Variants in SLC41A2 observed in about 807,000 individuals in gnomAD.
The protein encoded by SLC41A2 is SLC41A1-like 1.
In SLC41A2, 32 loss-of-function variants were observed where a neutral mutation model predicts 58.3. The ratio of observed to expected loss-of-function variants is 0.55; its 90% CI spans 0.41 to 0.74. The LOEUF (loss-of-function observed/expected upper bound fraction) is 0.74. Among genes scored for constraint, SLC41A2 ranks in the 30% least tolerant of loss-of-function variants. The probability of loss-of-function intolerance (pLI) is 0.00; values close to 1 mark genes in which losing one functional copy is unlikely to be tolerated. For missense variants in SLC41A2, 514 were observed against 680.6 expected (o/e 0.76, Z 2.72); for synonymous variants, 190 against 235.0 (o/e 0.81, Z 1.75).
intron 6 of SLC41A2, among the ~76,000 whole-genome samples, chr12:104,881,735 C>A (rs1282959838): frequency 1.3e-5 from 2 of 152,110 alleles, no homozygotes; most frequent in African/African-American, 4.8e-5. Flanking sequence ...TTACTTCCAA[C>A]TATGTGGTCA....
At chr12:104,827,142 A>C (rs2136264645) in intron 10 of SLC41A2, among the ~76,000 whole-genome samples, 1 of 152,350 alleles carries the variant, frequency 6.6e-6, no homozygotes, top group African/African-American at 2.4e-5. Flanking sequence ...GGAGCGGCTA[A>C]GAGAGGCCTT....
chr12:104,917,141 A>G (rs1278765393), intron 2 of SLC41A2, among the ~76,000 whole-genome samples: 1 of 152,082 alleles, frequency 6.6e-6, no homozygotes, highest in Non-Finnish European at 1.5e-5. Flanking sequence ...AAAAACAAAC[A>G]ACCCCATCAA....
chr12:104,837,061 G>A (rs17829512), intron 10 of SLC41A2, among the ~76,000 whole-genome samples: 6,150 of 152,212 alleles, frequency 0.04, 168 homozygotes, highest in Middle Eastern at 0.065. Context: ...AATGGTTTAT[G>A]CTTGCCACCT....
At chr12:104,932,280 C>T (rs1369304820) in intron 1 of SLC41A2, among the ~76,000 whole-genome samples, 1 of 151,926 alleles carries the variant, frequency 6.6e-6, no homozygotes, top group Admixed American at 6.6e-5. Context: ...CAGTCCTAAG[C>T]AAAAAGAACA....
intron 10 of SLC41A2, among the ~76,000 whole-genome samples, chr12:104,829,794 AG>A (rs2041978931): frequency 6.7e-6 from 1 of 149,944 alleles, no homozygotes; most frequent in Non-Finnish European, 1.5e-5. Context: ...GAATAATTTT[AG>A]TTTTCAACAT....
At chr12:104,822,205 A>G (rs1405107318) in intron 10 of SLC41A2, among the ~76,000 whole-genome samples, 1 of 152,228 alleles carries the variant, frequency 6.6e-6, no homozygotes, top group Non-Finnish European at 1.5e-5. Flanking sequence ...TTTCTACTAT[A>G]TGCTAAGTAT....
At chr12:104,915,179 G>A (rs1439029264) in intron 2 of SLC41A2, among the ~76,000 whole-genome samples, 1 of 152,054 alleles carries the variant, frequency 6.6e-6, no homozygotes, top group Non-Finnish European at 1.5e-5. Context: ...AAACAAAAAT[G>A]AAAATTCAAA....
chr12:104,831,566 T>C (rs529871052), intron 10 of SLC41A2, among the ~76,000 whole-genome samples: 33 of 152,324 alleles, frequency 2.2e-4, no homozygotes, highest in Non-Finnish European at 4.4e-4. Flanking sequence ...AACATATCAC[T>C]GTAGTTGTTC....
chr12:104,863,694 C>T (rs2043298478), intron 7 of SLC41A2, among the ~76,000 whole-genome samples: 1 of 152,064 alleles, frequency 6.6e-6, no homozygotes, highest in Non-Finnish European at 1.5e-5. Flanking sequence ...ACTTTGATCC[C>T]TTCCCAAATC....
chr12:104,818,239 C>A (rs532357263), intron 10 of SLC41A2, among the ~76,000 whole-genome samples: 7 of 152,036 alleles, frequency 4.6e-5, no homozygotes, highest in African/African-American at 1.7e-4. Flanking sequence ...AGAATCAGAA[C>A]CTGAAGGATT....
intron 10 of SLC41A2, among the ~76,000 whole-genome samples, chr12:104,826,564 T>G (rs1404716618): frequency 6.6e-6 from 1 of 152,096 alleles, no homozygotes; most frequent in Non-Finnish European, 1.5e-5. Flanking sequence ...CACCCCAACC[T>G]TTCTATCCAA....
chr12:104,900,628 G>C (rs1239203174), intron 3 of SLC41A2, among the ~76,000 whole-genome samples: 1 of 152,194 alleles, frequency 6.6e-6, no homozygotes, highest in Non-Finnish European at 1.5e-5. Context: ...CAAAGCTATG[G>C]CTAGGGACTG....
chr12:104,820,900 C>T (rs866472697), intron 10 of SLC41A2, among the ~76,000 whole-genome samples: 9 of 152,234 alleles, frequency 5.9e-5, no homozygotes, highest in South Asian at 2.1e-4. Context: ...TCACCTCAGC[C>T]TCCCAAAGTG....
chr12:104,857,781 C>G (rs1250163546), intron 8 of SLC41A2, among the ~76,000 whole-genome samples: 1 of 143,268 alleles, frequency 7.0e-6, no homozygotes, highest in Non-Finnish European at 1.5e-5. Flanking sequence ...CGCATGTTCT[C>G]ACTCATAGGA....
chr12:104,908,221 C>T (rs1435244804), intron 3 of SLC41A2, among the ~76,000 whole-genome samples: 8 of 152,112 alleles, frequency 5.3e-5, no homozygotes, highest in African/African-American at 9.7e-5. Context: ...GCTGAGATCA[C>T]GCCACTGTAC....
In SLC41A2 at chr12:104,912,428, G is replaced by T. The variant is rs186029210; in HGVS notation, c.556-2666C>A. On this transcript the variant is annotated intron_variant, in intron 2 of 10. Coordinates refer to ENST00000258538, the MANE Select transcript of SLC41A2 (RefSeq NM_001352171.3). ...GTTAAGTTGATCACCGATGACCAGGGGTTTAATAATCATGCCTACATAATG... is the reference window on the plus strand; with the variant it reads ...GTTAAGTTGATCACCGATGACCAGGTGTTTAATAATCATGCCTACATAATG... Among the ~76,000 whole-genome samples the T allele has an allele frequency of 2.5e-3, 386 of 152,166 alleles. 1 individual carries two copies. The highest frequency in any genetic ancestry group is 3.4e-3 in the Middle Eastern group (1 of 294).
rs778983620 is a variant in SLC41A2, at chr12:104,928,228, G to A, written c.300C>T (p.His100=). The A allele has an allele frequency of 8.7e-6, 14 of 1,613,972 alleles. No individual in the cohort carries two copies. The highest frequency in any genetic ancestry group is 5.3e-5 in the African/African-American group (4 of 74,924). The change falls in exon 2 of 11, where the codon CAC becomes CAT. Residue 100 remains histidine, a synonymous_variant. Transcript: ENST00000258538. ...SEQSFHANNG[H]ASSSCSQKYD... ...ACTTTTGGCTGCAGCTTGATGATGCGTGCCCATTATTGGCATGAAAAGACT... is the reference window on the plus strand; with the variant it reads ...ACTTTTGGCTGCAGCTTGATGATGCATGCCCATTATTGGCATGAAAAGACT...
chr12:104,876,808 G>A (rs2044069019), intron 6 of SLC41A2, among the ~76,000 whole-genome samples: 1 of 152,164 alleles, frequency 6.6e-6, no homozygotes, highest in Non-Finnish European at 1.5e-5. Flanking sequence ...GGTCTAAAGT[G>A]TAGTTCAAGT....
At chr12:104,881,803 T>G (rs1192796943) in intron 6 of SLC41A2, among the ~76,000 whole-genome samples, 2 of 152,184 alleles carry the variant, frequency 1.3e-5, no homozygotes, top group African/African-American at 4.8e-5. Flanking sequence ...TGATTTGGGG[T>G]GGAGAGGTCT....
Sources: gnomAD v4.1 joint callset for allele counts (sites outside exome capture counted in the v4.1 genomes callset) on GRCh38, gnomAD v4.1.1 for gene constraint, MANE v1.5 for transcripts, NCBI Gene and HGNC (gene_info 2026-07-23, HGNC 2026-07-21) for gene names.